Variants in SUCO observed in about 807,000 individuals in gnomAD.
SUCO encodes SUN domain-containing ossification factor.
Under a neutral mutation model 148.1 loss-of-function variants are expected in SUCO, and 57 were observed. That is an observed-to-expected ratio of 0.38 (90% CI 0.31 to 0.48). The LOEUF (loss-of-function observed/expected upper bound fraction) is 0.48. Ranked by LOEUF, SUCO falls within the 20% of genes least tolerant of loss-of-function variation. SUCO has a pLI of 0.96. For missense variants in SUCO, 1,331 were observed against 1,468.2 expected (o/e 0.91, Z 1.53); for synonymous variants, 470 against 502.7 (o/e 0.93, Z 0.87).
chr1:172,594,918 T>C (rs920487193), intron 19 of SUCO, among the ~76,000 whole-genome samples: 1 of 152,132 alleles, frequency 6.6e-6, no homozygotes, highest in African/African-American at 2.4e-5. Context: ...TGAGTCTCAT[T>C]GTACATTGTA....
At chr1:172,562,136 A>G (rs1319756972) in intron 6 of SUCO, among the ~76,000 whole-genome samples, 2 of 152,300 alleles carry the variant, frequency 1.3e-5, no homozygotes, top group Middle Eastern at 3.4e-3. Context: ...ACCTCTCTCT[A>G]AGACTAAACA....
chr1:172,570,436 T>TA, intron 8 of SUCO: 1 of 502,658 alleles, frequency 2.0e-6, no homozygotes, highest in Non-Finnish European at 3.5e-6. Flanking sequence ...TTCTTTAAAG[T>TA]AACAGGCATT....
chr1:172,563,884 C>T (rs1266645473), intron 6 of SUCO, among the ~76,000 whole-genome samples: 1 of 152,228 alleles, frequency 6.6e-6, no homozygotes, highest in African/African-American at 2.4e-5. Context: ...GTGGGCCAGT[C>T]CCCGGGTCCT....
intron 19 of SUCO, among the ~76,000 whole-genome samples, chr1:172,595,878 A>G (rs1429629030): frequency 6.6e-6 from 1 of 152,102 alleles, no homozygotes; most frequent in East Asian, 1.9e-4. Context: ...ATGTTTTCCA[A>G]CTTGGTTCCA....
chr1:172,532,490 A>C (rs765497565), upstream of SUCO: 13 of 1,612,886 alleles, frequency 8.1e-6, no homozygotes, highest in Admixed American at 6.7e-5. Context: ...GATTCTTGGC[A>C]CGCCCCTTTC....
intron 1 of SUCO, among the ~76,000 whole-genome samples, chr1:172,534,798 G>A (rs1252270931): frequency 6.6e-6 from 1 of 152,016 alleles, no homozygotes; most frequent in East Asian, 1.9e-4. Context: ...TCTTTCTGGG[G>A]CTGCCTAGTT....
intron 19 of SUCO, among the ~76,000 whole-genome samples, chr1:172,592,767 T>C (rs1656766267): frequency 6.6e-6 from 1 of 152,348 alleles, no homozygotes; most frequent in East Asian, 1.9e-4. Flanking sequence ...TGGGCTCTTT[T>C]TTGGTTCCTT....
intron 3 of SUCO, among the ~76,000 whole-genome samples, chr1:172,554,248 T>A (rs1160837033): frequency 6.6e-6 from 1 of 152,250 alleles, no homozygotes; most frequent in Non-Finnish European, 1.5e-5. Context: ...AAAATGATAC[T>A]TGTAGCCCTT....
rs778252744 is a variant in SUCO, at chr1:172,589,795, A to G, written c.2694A>G (p.Gly898=). The change falls in exon 18 of 24, where the codon GGA becomes GGG. Residue 898 remains glycine, a synonymous_variant. Coordinates refer to ENST00000263688, the MANE Select transcript of SUCO (RefSeq NM_014283.5). ...AATTGCAAAATTCTACAGATCTAGG[A>G]TATGCTAATGGAAATCTTGTACATG... ...YAELQNSTDL[G]YANGNLVHGS... 1.1e-5 allele frequency: 17 copies of G among 1,612,134 alleles called. No homozygotes were observed. Among genetic ancestry groups the G allele is most frequent in the Non-Finnish European group, 1.4e-5 (17 of 1,179,340 alleles).
intron 9 of SUCO, among the ~76,000 whole-genome samples, chr1:172,572,329 G>A (rs1655085138): frequency 1.3e-5 from 2 of 151,850 alleles, no homozygotes; most frequent in Non-Finnish European, 2.9e-5. Flanking sequence ...GTAGACACGG[G>A]AGACTTTTCA....
intron 2 of SUCO, chr1:172,552,798 C>A: frequency 5.0e-6 from 1 of 199,740 alleles, no homozygotes; most frequent in Non-Finnish European, 9.0e-6. Flanking sequence ...TTTCAGTAAA[C>A]ATTTAGATAC....
intron 6 of SUCO, among the ~76,000 whole-genome samples, chr1:172,566,699 A>C (rs1310532875): frequency 1.3e-5 from 2 of 152,200 alleles, no homozygotes; most frequent in African/African-American, 4.8e-5. Context: ...TTTACGCAGA[A>C]ATTTCTAGGA....
chr1:172,538,221 G>C (rs967767136), intron 1 of SUCO, among the ~76,000 whole-genome samples: 1 of 150,554 alleles, frequency 6.6e-6, no homozygotes, highest in Non-Finnish European at 1.5e-5. Context: ...GTCCTAAGTC[G>C]TGGTCCCACT....
chr1:172,579,753 A>C (rs932732299), intron 15 of SUCO, among the ~76,000 whole-genome samples: 6 of 152,106 alleles, frequency 3.9e-5, no homozygotes, highest in African/African-American at 1.4e-4. Context: ...TGTTATTCCA[A>C]AGTCGAATCC....
chr1:172,540,350 A>G (rs1025812290), intron 1 of SUCO, among the ~76,000 whole-genome samples: 8 of 152,190 alleles, frequency 5.3e-5, no homozygotes, highest in Admixed American at 2.0e-4. Flanking sequence ...GGGTGCCTGT[A>G]TTAGCCTAGG....
At chr1:172,584,296 CT>C (rs1378195082) in intron 15 of SUCO, 1 of 606,724 alleles carries the variant, frequency 1.6e-6, no homozygotes, top group African/African-American at 2.0e-5. Context: ...CTTTTTTACA[CT>C]TTTTTAAAAT....
intron 1 of SUCO, among the ~76,000 whole-genome samples, chr1:172,548,659 T>A (rs982853682): frequency 2.7e-4 from 41 of 152,174 alleles, no homozygotes; most frequent in African/African-American, 9.9e-4. Flanking sequence ...GCTTCCAGGC[T>A]TGGGATATTG....
intron 1 of SUCO, chr1:172,543,060 G>A (rs868822139): frequency 1.0e-6 from 1 of 956,914 alleles, no homozygotes; most frequent in African/African-American, 1.8e-5. Flanking sequence ...AAGTTAACAT[G>A]TAGAGTAGCT....
At chr1:172,532,917 G>A, upstream of SUCO, 1 of 1,386,280 alleles carries the variant, frequency 7.2e-7, no homozygotes, top group East Asian at 2.4e-5. Context: ...CTGCTCCTGC[G>A]CTTTGTGGTC....
Sources: allele counts gnomAD v4.1 joint callset (sites outside exome capture counted in the v4.1 genomes callset), GRCh38; gene constraint gnomAD v4.1.1; transcripts MANE v1.5; gene names NCBI Gene and HGNC (gene_info 2026-07-23, HGNC 2026-07-21).